WNK2: variants seen among roughly 807,000 people sequenced by gnomAD.
WNK2 encodes the protein serine/threonine-protein kinase WNK2.
In WNK2, 67 loss-of-function variants were observed where a neutral mutation model predicts 192.1. The observed-to-expected ratio is 0.35, with a 90% CI of 0.29 to 0.43. The LOEUF (loss-of-function observed/expected upper bound fraction) is 0.43, where lower values mean the gene tolerates loss of function less well. WNK2 is among the 20% of genes least tolerant of loss of function. The pLI is 1.00. For missense variants in WNK2, 2,698 were observed against 3,089.7 expected, an observed-to-expected ratio of 0.87 and a Z score of 3.01; for synonymous variants, 1,439 against 1,393.9, an observed-to-expected ratio of 1.03 and a Z score of -0.72.
intron 2 of WNK2, among the ~76,000 whole-genome samples, chr9:93,224,360 T>TGTC (rs1837447384): frequency 6.6e-6 from 1 of 152,092 alleles, no homozygotes; most frequent in Admixed American, 6.5e-5. Context: ...GGCCCTGAAG[T>TGTC]GTCATAGGAG....
intron 18 of WNK2, 142 bp from the exon 19 acceptor site, chr9:93,268,485 C>T (rs1845517987): frequency 1.5e-6 from 2 of 1,318,512 alleles, no homozygotes; most frequent in East Asian, 2.5e-5. Context: ...TGTTCTCTGC[C>T]CACACCCTTC....
At chr9:93,303,000 C>T (rs372256732) in intron 26 of WNK2, among the ~76,000 whole-genome samples, 3 of 152,088 alleles carry the variant, frequency 2.0e-5, no homozygotes, top group Admixed American at 6.5e-5. Context: ...CTCACTGCAA[C>T]CTCCGCTTCC....
chr9:93,225,593 G>A (rs1276526821), intron 2 of WNK2, among the ~76,000 whole-genome samples: 12 of 152,166 alleles, frequency 7.9e-5, no homozygotes, highest in Admixed American at 7.9e-4. Context: ...AGTGCATGCA[G>A]GGTACGCCCC....
At position 93,308,312 on chromosome 9, in the gene WNK2, G is replaced by A. The variant is rs1852986424; in HGVS notation, c.6260-16G>A. ...TGTGTGGCGTCACCAATCCTGGCCT[G>A]TGTGTGACTCCCCAGGGTCCTCCAC... On this transcript the variant is annotated splice_polypyrimidine_tract_variant and intron_variant, in intron 27 of 29. Transcript: ENST00000427277. The A allele has an allele frequency of 1.3e-6, 2 of 1,550,534 alleles. No homozygotes were observed. Among genetic ancestry groups the A allele is most frequent in the Non-Finnish European group, 1.7e-6 (2 of 1,147,024 alleles).
At chr9:93,243,593 T>A (rs1019146839) in intron 7 of WNK2, among the ~76,000 whole-genome samples, 3 of 152,212 alleles carry the variant, frequency 2.0e-5, no homozygotes, top group Non-Finnish European at 4.4e-5. Context: ...CGCCCCACTC[T>A]GCTAAGAACA....
At chr9:93,217,906 A>G (rs1376540429) in intron 2 of WNK2, among the ~76,000 whole-genome samples, 3 of 151,980 alleles carry the variant, frequency 2.0e-5, no homozygotes, top group Non-Finnish European at 4.4e-5. Flanking sequence ...AGGTGACTTC[A>G]TTCTGGGCGT....
At chr9:93,304,338 C>T (rs899044193) in intron 26 of WNK2, among the ~76,000 whole-genome samples, 8 of 152,224 alleles carry the variant, frequency 5.3e-5, no homozygotes, top group African/African-American at 1.9e-4. Flanking sequence ...CAGGAGATGC[C>T]AAGTCCAAGA....
chr9:93,240,244 G>A (rs756993229), intron 7 of WNK2, among the ~76,000 whole-genome samples: 2 of 152,174 alleles, frequency 1.3e-5, no homozygotes, highest in African/African-American at 2.4e-5. Flanking sequence ...AGTGCAGTGC[G>A]GGAATTCAGG....
At chr9:93,187,029 AG>A (rs1405818716) in intron 2 of WNK2, among the ~76,000 whole-genome samples, 4 of 152,140 alleles carry the variant, frequency 2.6e-5, no homozygotes, top group Non-Finnish European at 5.9e-5. Flanking sequence ...AGGGCCTGAA[AG>A]GGGAGACGAC....
chr9:93,292,697 T>C lies in WNK2; in HGVS notation c.5232T>C (p.Thr1744=), dbSNP rs763247604. ...AGGATGTCAGCTCACCAGCCAAGAC[T>C]GTGGGCCGTTTCTCGGTGGTCAGCA... ...EQQDVSSPAK[T]VGRFSVVSTQ... is the part of the protein sequence containing the mutation. The change falls in exon 23 of 30, where the codon ACT becomes ACC. Residue 1744 remains threonine (T), a synonymous_variant. Coordinates refer to ENST00000427277, the MANE Select transcript of WNK2 (RefSeq NM_006648.4). 3 of 1,569,084 alleles carry C rather than the reference T, an allele frequency of 1.9e-6. No homozygotes were observed. Among genetic ancestry groups the C allele is most frequent in the Non-Finnish European group, 2.6e-6 (3 of 1,158,498 alleles).
rs113574805 is a variant in WNK2 at position 93,239,069 on chromosome 9, G to T, written c.1323-688G>T. ...GTGGTTCCATTTATAGGGTAAAGGGGGTTATAGGTTAGTGGTTAGGGAGGC... is the reference window on the plus strand; with the variant it reads ...GTGGTTCCATTTATAGGGTAAAGGGTGTTATAGGTTAGTGGTTAGGGAGGC... On this transcript the variant is annotated intron_variant, in intron 6 of 29. Coordinates refer to ENST00000427277, the MANE Select transcript of WNK2 (RefSeq NM_006648.4). This position sits in a 1 kb window ranked among gnomAD's most constrained non-coding sequence, Gnocchi z 4.2. Among the ~76,000 whole-genome samples, 89 of 152,342 alleles carry T rather than the reference G, an allele frequency of 5.8e-4. No individual in the cohort carries two copies. Among genetic ancestry groups the T allele is most frequent in the African/African-American group, 1.9e-3 (78 of 41,578 alleles).
intron 2 of WNK2, among the ~76,000 whole-genome samples, chr9:93,187,371 C>T (rs1461694712): frequency 6.6e-6 from 1 of 152,122 alleles, no homozygotes; most frequent in Non-Finnish European, 1.5e-5. Context: ...TGCTTCTGGT[C>T]TATATGCTTT....
intron 26 of WNK2, among the ~76,000 whole-genome samples, chr9:93,305,463 C>T (rs1459086935): frequency 6.6e-6 from 1 of 152,236 alleles, no homozygotes; most frequent in Non-Finnish European, 1.5e-5. Flanking sequence ...CGGAGCTGCT[C>T]ACCCAGAGCC....
rs567016322 is a variant in WNK2 at position 93,262,938 on chromosome 9, G to A, written c.3410+219G>A. 5.3e-5 allele frequency among the ~76,000 whole-genome samples: 8 copies of A among 152,336 alleles called. No homozygotes were observed. The East Asian group carries it at 1.3e-3, about 26-fold the overall frequency. Reference sequence around the variant, plus strand: ...TTTGGTAGCCAGAGGCCCCTGGCTGGGCTCTGGGTCTCTGCTCTGGTTTGC... The same window carrying A: ...TTTGGTAGCCAGAGGCCCCTGGCTGAGCTCTGGGTCTCTGCTCTGGTTTGC... On this transcript the variant is annotated intron_variant, in intron 14 of 29. Transcript: ENST00000427277.
chr9:93,244,348 T>C (rs117378951), intron 7 of WNK2, among the ~76,000 whole-genome samples: 1 of 152,286 alleles, frequency 6.6e-6, no homozygotes, highest in East Asian at 1.9e-4. Flanking sequence ...TGGAAGGGAC[T>C]CTGGGAGTCG....
chr9:93,204,535 T>C (rs1308547252), intron 2 of WNK2, among the ~76,000 whole-genome samples: 4 of 152,184 alleles, frequency 2.6e-5, no homozygotes, highest in Non-Finnish European at 5.9e-5. Context: ...TGTTGTCGGG[T>C]ACCCAAGGTG....
intron 2 of WNK2, among the ~76,000 whole-genome samples, chr9:93,220,671 G>A (rs988509378): frequency 6.6e-6 from 1 of 152,198 alleles, no homozygotes; most frequent in Admixed American, 6.5e-5. Context: ...GTCCAGCCCT[G>A]GTGAGGTTCC....
At chr9:93,268,803 C>G in intron 19 of WNK2, 57 bp downstream of exon 19, 2 of 1,585,818 alleles carry the variant, frequency 1.3e-6, no homozygotes, top group Non-Finnish European at 1.7e-6. Flanking sequence ...AGGCCTCCTT[C>G]TGTGCATGAC....
chr9:93,319,038 TTTCTG>T, intron 29 of WNK2: 1 of 1,560,228 alleles, frequency 6.4e-7, no homozygotes, highest in Non-Finnish European at 8.7e-7. Context: ...TCGTAAGAGA[TTTCTG>T]TTCTCTGTAC....
Sources: gnomAD v4.1 joint callset for allele counts (sites outside exome capture counted in the v4.1 genomes callset) on GRCh38, gnomAD v4.1.1 for gene constraint, Gnocchi (gnomAD v3.1) non-coding constraint, MANE v1.5 for transcripts, NCBI Gene and HGNC (gene_info 2026-07-23, HGNC 2026-07-21) for gene names.